CITED2: variants seen among roughly 807,000 people sequenced by gnomAD.
CITED2 encodes cbp/p300-interacting transactivator 2.
CITED2 carries 2 observed loss-of-function variants against 11.8 expected under a neutral mutation model. That is an observed-to-expected ratio of 0.17 (90% confidence interval 0.07 to 0.54). The LOEUF is 0.54. Ranked by LOEUF, CITED2 falls within the 20% of genes least tolerant of loss-of-function variation. The pLI is 0.94. For synonymous variants in CITED2, 210 were observed against 153.0 expected, an observed-to-expected ratio of 1.37 and a Z score of -2.75; for missense variants, 437 against 390.2, an observed-to-expected ratio of 1.12 and a Z score of -1.01.
At chr6:139,374,196 G>A (rs1438704131) in intron 1 of CITED2, 4 of 1,439,374 alleles carry the variant, frequency 2.8e-6, no homozygotes, top group Admixed American at 2.6e-5. Flanking sequence ...GGGGGGACCC[G>A]AGCCCACACC....
Position 139,373,414 on chromosome 6 carries a change from G to C in CITED2, c.531C>G (p.Gly177=), listed in dbSNP as rs552604669. 1.3e-6 allele frequency: 2 copies of C among 1,539,258 alleles called. No homozygotes were observed. Among genetic ancestry groups the C allele is most frequent in the Admixed American group, 4.0e-5 (2 of 49,504 alleles). ...PGGSGGSSTP[G]GSGSSSGGGA... ...CGCCGCCCGAGCTGCTGCCAGAGCC[G>C]CCGGGGGTGCTGCTGCCGCCCGAGC... The change falls in exon 2 of 2, where the codon GGC becomes GGG. Residue 177 remains glycine (G), a synonymous_variant. Transcript: ENST00000367651.
chr6:139,373,499 G>A lies in CITED2; in HGVS notation c.446C>T (p.Thr149Ile), dbSNP rs774298334. ...HPAAGHQMNGTNQHFRDCNPK... is the reference protein window; with the variant it reads ...HPAAGHQMNGINQHFRDCNPK... ...GTTGCAATCTCGGAAGTGCTGGTTT[G>A]TCCCGTTCATCTGGTGGCCTGCAGC... is the stretch of plus-strand genomic sequence containing the variant. Residue 149 changes from threonine (T) to isoleucine (I), a missense_variant, in exon 2 of 2, where the codon ACA (threonine) becomes ATA (isoleucine). By Grantham distance (89) the Thr-to-Ile change is moderately conservative (BLOSUM62 -1). Transcript: ENST00000367651. The A allele has an allele frequency of 3.1e-6, 5 of 1,612,916 alleles. No homozygotes were observed. In the East Asian group the frequency reaches 1.1e-4, roughly 36 times the overall value.
Position 139,374,449 on chromosome 6 carries a change from G to A in CITED2, c.-45C>T, listed in dbSNP as rs1778335718. On this transcript the variant is annotated 5_prime_UTR_variant, in exon 1 of 2. Coordinates refer to ENST00000367651, the MANE Select transcript of CITED2 (RefSeq NM_006079.5). ...GCGATTTCTGCTCCGAAGACCGAGG[G>A]CGGGCTCGTCGCGTCCAGGACCGGC... 4 of 368,212 alleles carry A rather than the reference G, an allele frequency of 1.1e-5. No homozygotes were observed. Among genetic ancestry groups the A allele is most frequent in the Non-Finnish European group, 2.0e-5 (4 of 202,582 alleles). The allele number at this position is 368,212 out of a possible 1,614,324, so 22.8% of individuals were successfully genotyped here. A position where few individuals can be genotyped will look rare whatever the true frequency, so the allele number is the denominator to read the frequency against.
chr6:139,373,634 G>A lies in CITED2; in HGVS notation c.311C>T (p.Ala104Val). Reference sequence around the variant, plus strand: ...GGCCGGCAGGGAGCCTCCCTGGCTGGCCACCGGGGGACCCATGAACTGGGA... The same window carrying A: ...GGCCGGCAGGGAGCCTCCCTGGCTGACCACCGGGGGACCCATGAACTGGGA... ...NNSQFMGPPVASQGGSLPASM... is the reference protein window; with the variant it reads ...NNSQFMGPPVVSQGGSLPASM... Residue 104 changes from alanine to valine, a missense_variant, in exon 2 of 2, where the codon GCC becomes GTC. This residue lies in a region of CITED2 where 396 missense variants were observed against 325.2 expected (regional missense o/e 1.22). Transcript: ENST00000367651. 2 of 1,613,850 alleles carry A rather than the reference G, an allele frequency of 1.2e-6. No individual in the cohort carries two copies. Among genetic ancestry groups the A allele is most frequent in the South Asian group, 1.1e-5 (1 of 91,070 alleles).
chr6:139,373,668 A>T lies in CITED2; in HGVS notation c.277T>A (p.Phe93Ile). The change falls in exon 2 of 2, where the codon TTT becomes ATT. Residue 93 changes from phenylalanine (F) to isoleucine (I), a missense_variant. Around this residue, in one of 3 missense-constraint regions of CITED2, gnomAD observed 396 missense variants for 325.2 expected, o/e 1.22. Coordinates refer to ENST00000367651, the MANE Select transcript of CITED2 (RefSeq NM_006079.5). Reference sequence around the variant, plus strand: ...GGACCCATGAACTGGGAGTTGTTAAACCTGGCCGCGGGGGCCAGCGCGCTC... The same window carrying T: ...GGACCCATGAACTGGGAGTTGTTAATCCTGGCCGCGGGGGCCAGCGCGCTC... ...PPSALAPAAR[F>I]NNSQFMGPPV... The T allele has an allele frequency of 6.2e-7, 1 of 1,612,130 alleles. No individual in the cohort carries two copies. The highest frequency in any genetic ancestry group is 8.5e-7 in the Non-Finnish European group (1 of 1,179,618).
rs201639244 is a variant in CITED2, at chr6:139,373,644, G to C, written c.301C>G (p.Pro101Ala). The C allele has an allele frequency of 1.2e-6, 2 of 1,613,732 alleles. No homozygotes were observed. The highest frequency in any genetic ancestry group is 2.2e-5 in the East Asian group (1 of 44,858). The part of the protein sequence containing the change: ...ARFNNSQFMG[P>A]PVASQGGSLP... ...GAGCCTCCCTGGCTGGCCACCGGGG[G>C]ACCCATGAACTGGGAGTTGTTAAAC... The change falls in exon 2 of 2, where the codon CCC becomes GCC. Residue 101 changes from proline (P) to alanine (A), a missense_variant. Around this residue, in one of 3 missense-constraint regions of CITED2, gnomAD observed 396 missense variants for 325.2 expected, o/e 1.22. Transcript: ENST00000367651.
rs1241905480 is a variant in CITED2, at chr6:139,373,867, G to A, written c.78C>T (p.His26=). The part of the protein sequence containing the change: ...GTNGLHHHPA[H]RMGMGQFPSP... ...TCGGGAACTGCCCCATGCCCATGCG[G>A]TGGGCAGGGTGATGGTGCAGCCCAT... Residue 26 remains histidine, a synonymous_variant, in exon 2 of 2, where the codon CAC becomes CAT. Transcript: ENST00000367651. 2 of 1,603,028 alleles carry A rather than the reference G, an allele frequency of 1.2e-6. No individual in the cohort carries two copies. The highest frequency in any genetic ancestry group is 1.7e-6 in the Non-Finnish European group (2 of 1,179,944).
At chr6:139,374,095 G>T in intron 1 of CITED2, 143 bp from the exon 2 acceptor site, 2 of 1,512,306 alleles carry the variant, frequency 1.3e-6, no homozygotes, top group Non-Finnish European at 1.8e-6. Flanking sequence ...CCCACTAACA[G>T]CCTGTGCACC....
chr6:139,372,395 T>G lies in CITED2; in HGVS notation c.*737A>C, dbSNP rs1161326498. On this transcript the variant is annotated 3_prime_UTR_variant, in exon 2 of 2. Coordinates refer to ENST00000367651, the MANE Select transcript of CITED2 (RefSeq NM_006079.5). ...AACACAGTAGTATCTTTTCATGTAC[T>G]GAATATAACTATTAGCACAGTGTCA... 6.6e-6 allele frequency: 1 copy of G among 152,508 alleles called. No homozygotes were observed. The highest frequency in any genetic ancestry group is 1.5e-5 in the Non-Finnish European group (1 of 68,048). The allele number at this position is 152,508 out of a possible 1,614,324, so 9.4% of individuals were successfully genotyped here. A position where few individuals can be genotyped will look rare whatever the true frequency, so the allele number is the denominator to read the frequency against.
At chr6:139,374,100 T>C (rs1302594263) in intron 1 of CITED2, 148 bp from the exon 2 acceptor site, 2 of 1,507,792 alleles carry the variant, frequency 1.3e-6, no homozygotes, top group African/African-American at 1.4e-5. Flanking sequence ...TAACAGCCTG[T>C]GCACCCGGGC....
chr6:139,372,837 A>C lies in CITED2; in HGVS notation c.*295T>G, dbSNP rs571673360. ...TATCTAACAGTTGAGCACTGGAGAA[A>C]GTGAGGGAAAGGAGTAAAAACAAAC... is the stretch of plus-strand genomic sequence containing the variant. On this transcript the variant is annotated 3_prime_UTR_variant, in exon 2 of 2. Transcript: ENST00000367651. The C allele has an allele frequency of 2.0e-5, 9 of 443,200 alleles. No individual in the cohort carries two copies. Among genetic ancestry groups the C allele is most frequent in the South Asian group, 1.8e-4 (8 of 43,772 alleles). 27.5% of individuals were successfully genotyped at this position (443,200 alleles called of 1,614,324 possible). A position where few individuals can be genotyped will look rare whatever the true frequency, so the allele number is the denominator to read the frequency against.
At chr6:139,374,014 C>T (rs1033419735) in intron 1 of CITED2, 62 bp from the exon 2 acceptor site, 2 of 1,539,692 alleles carry the variant, frequency 1.3e-6, no homozygotes, top group African/African-American at 1.4e-5. Context: ...CACAGCGCAC[C>T]CCACTTTTGC....
In CITED2 at chr6:139,373,219, C is replaced by G; in HGVS notation, c.726G>C (p.Glu242Asp). The G allele has an allele frequency of 6.2e-7, 1 of 1,614,216 alleles. No homozygotes were observed. The highest frequency in any genetic ancestry group is 1.1e-5 in the South Asian group (1 of 91,086). ...TTTGCCCCAGCCAGAGTTCGGGCAG[C>G]TCCTTGATGCGGTCCAAACCCATTT... is the stretch of plus-strand genomic sequence containing the variant. The part of the protein sequence containing the change: ...VIEMGLDRIK[E>D]LPELWLGQNE... Residue 242 changes from glutamate to aspartate, a missense_variant, in exon 2 of 2, where the codon GAG becomes GAC. This residue lies in a region of CITED2 where 20 missense variants were observed against 44.5 expected (regional missense o/e 0.45). Transcript: ENST00000367651.
In CITED2 at chr6:139,373,614, G is replaced by C. The variant is rs1372341995; in HGVS notation, c.331C>G (p.Pro111Ala). The stretch of plus-strand genomic sequence containing the variant: ...AGCTTCTGCAGCTGCATGCTGGCCG[G>C]CAGGGAGCCTCCCTGGCTGGCCACC... ...PPVASQGGSL[P>A]ASMQLQKLNN... is the part of the protein sequence containing the mutation. Residue 111 changes from proline (P) to alanine (A), a missense_variant, in exon 2 of 2, where the codon CCG becomes GCG. Pro to Ala is a conservative substitution (Grantham distance 27). Transcript: ENST00000367651. 1 of 1,613,936 alleles carries C rather than the reference G, an allele frequency of 6.2e-7. No individual in the cohort carries two copies. The highest frequency in any genetic ancestry group is 1.3e-5 in the African/African-American group (1 of 74,934).
chr6:139,373,012 T>C lies in CITED2; in HGVS notation c.*120A>G, dbSNP rs1329648510. Reference sequence around the variant, plus strand: ...GTACAAGTTTATAGTTTACTTTGTTTCCAAGTTCTCAAACCTTTCAAGATC... The same window carrying C: ...GTACAAGTTTATAGTTTACTTTGTTCCCAAGTTCTCAAACCTTTCAAGATC... On this transcript the variant is annotated 3_prime_UTR_variant, in exon 2 of 2. Coordinates refer to ENST00000367651, the MANE Select transcript of CITED2 (RefSeq NM_006079.5). 9.5e-7 allele frequency: 1 copy of C among 1,057,342 alleles called. No homozygotes were observed. The allele number at this position is 1,057,342 out of a possible 1,614,324, so 65.5% of individuals were successfully genotyped here.
In CITED2 at chr6:139,372,546, AG is replaced by A. The variant is rs1778267950; in HGVS notation, c.*585del. The A allele has an allele frequency of 6.3e-6, 1 of 159,762 alleles. No homozygotes were observed. The highest frequency in any genetic ancestry group is 2.4e-5 in the African/African-American group (1 of 41,522). The allele number at this position is 159,762 out of a possible 1,614,324, so 9.9% of individuals were successfully genotyped here. Reference sequence around the variant, plus strand: ...CGGCGGGGGGGACAGCCAACTTGAAAGTGAACAGTATGACTTTCCTGATCCA... The same window carrying A: ...CGGCGGGGGGGACAGCCAACTTGAAATGAACAGTATGACTTTCCTGATCCA... On this transcript the variant is annotated 3_prime_UTR_variant, in exon 2 of 2. Coordinates refer to ENST00000367651, the MANE Select transcript of CITED2 (RefSeq NM_006079.5).
At chr6:139,374,253 C>T in intron 1 of CITED2, 160 bp downstream of exon 1, 1 of 1,327,136 alleles carries the variant, frequency 7.5e-7, no homozygotes, top group South Asian at 1.5e-5. Flanking sequence ...CCCCGTAGCC[C>T]TGCTGCGAAC....
At position 139,373,893 on chromosome 6, in the gene CITED2, T is replaced by G; in HGVS notation, c.52A>C (p.Asn18His). Residue 18 changes from asparagine (N) to histidine (H), a missense_variant, in exon 2 of 2, where the codon AAT becomes CAT. Coordinates refer to ENST00000367651, the MANE Select transcript of CITED2 (RefSeq NM_006079.5). Reference sequence around the variant, plus strand: ...TGGGCAGGGTGATGGTGCAGCCCATTGGTGCCGTCGGGGAAGCGCCCGTGG... The same window carrying G: ...TGGGCAGGGTGATGGTGCAGCCCATGGGTGCCGTCGGGGAAGCGCCCGTGG... ...MNHGRFPDGT[N>H]GLHHHPAHRM... 6.2e-7 allele frequency: 1 copy of G among 1,600,972 alleles called. No homozygotes were observed.
Position 139,373,638 on chromosome 6 carries a change from C to T in CITED2, c.307G>A (p.Val103Met), listed in dbSNP as rs749519873. Residue 103 changes from valine to methionine, a missense_variant, in exon 2 of 2, where the codon GTG (valine) becomes ATG (methionine). Val to Met is a conservative substitution (Grantham distance 21). Coordinates refer to ENST00000367651, the MANE Select transcript of CITED2 (RefSeq NM_006079.5). ...GGCAGGGAGCCTCCCTGGCTGGCCA[C>T]CGGGGGACCCATGAACTGGGAGTTG... The part of the protein sequence containing the change: ...FNNSQFMGPP[V>M]ASQGGSLPAS... 7 of 1,613,848 alleles carry T rather than the reference C, an allele frequency of 4.3e-6. No homozygotes were observed. In the East Asian group the frequency reaches 1.3e-4, roughly 31 times the overall value.
Sources: allele counts gnomAD v4.1 joint callset, GRCh38; gene constraint gnomAD v4.1.1; regional missense constraint gnomAD v4.1.1; transcripts MANE v1.5; gene names NCBI Gene and HGNC (gene_info 2026-07-23, HGNC 2026-07-21).